The following PIGN variants were observed in gnomAD, a reference collection of about 807,000 sequenced individuals.
PIGN encodes the protein GPI ethanolamine phosphate transferase 1.
A neutral mutation model predicts 125.4 loss-of-function variants in PIGN; 117 were observed. The ratio of observed to expected loss-of-function variants is 0.93; its 90% confidence interval spans 0.80 to 1.09. PIGN has a LOEUF of 1.09. Among genes scored for constraint, PIGN ranks in the 50% least tolerant of loss-of-function variants. PIGN has a pLI of 0.00. For missense variants in PIGN, 1,075 were observed against 1,094.9 expected (o/e 0.98, Z 0.26); for synonymous variants, 392 against 377.8 (o/e 1.04, Z -0.44).
intron 28 of PIGN, among the ~76,000 whole-genome samples, chr18:62,076,684 T>C (rs887431537): frequency 1.3e-5 from 2 of 152,228 alleles, no homozygotes; most frequent in African/African-American, 4.8e-5. Context: ...TGTGACTTCT[T>C]TTTAATAAAT....
intron 14 of PIGN, among the ~76,000 whole-genome samples, chr18:62,128,896 G>T (rs2035630732): frequency 6.6e-6 from 1 of 151,992 alleles, no homozygotes; most frequent in South Asian, 2.1e-4. Context: ...TTCAAAATAA[G>T]AAGTCATCAT....
chr18:62,167,190 T>TCG (rs2037168792), intron 1 of PIGN, among the ~76,000 whole-genome samples: 1 of 73,102 alleles, frequency 1.4e-5, no homozygotes, highest in African/African-American at 5.1e-5. Context: ...GCAGGAGCGC[T>TCG]CTCTCTCTCT....
At chr18:62,132,080 CT>C (rs1388895205) in intron 14 of PIGN, among the ~76,000 whole-genome samples, 1 of 151,918 alleles carries the variant, frequency 6.6e-6, no homozygotes, top group East Asian at 1.9e-4. Flanking sequence ...CCTGGGTTAT[CT>C]TTTTTGCTAA....
chr18:62,051,184 C>T (rs374061403), intron 30 of PIGN, among the ~76,000 whole-genome samples: 3 of 151,240 alleles, frequency 2.0e-5, no homozygotes, highest in Non-Finnish European at 3.0e-5. Context: ...TGTCTCTGCC[C>T]GGCTTTGGTA....
At chr18:62,132,025 T>C (rs1194052017) in intron 14 of PIGN, among the ~76,000 whole-genome samples, 1 of 152,142 alleles carries the variant, frequency 6.6e-6, no homozygotes, top group East Asian at 1.9e-4. Context: ...AAATGATGCT[T>C]ATACAAAAGG....
intron 30 of PIGN, chr18:62,056,930 C>T (rs2031773548): frequency 6.6e-6 from 1 of 152,186 alleles, no homozygotes; most frequent in Non-Finnish European, 1.5e-5. Context: ...GGTTGTGCAC[C>T]CATTATGAAA....
At chr18:62,185,331 T>C (rs562685925) in intron 1 of PIGN, among the ~76,000 whole-genome samples, 6 of 152,222 alleles carry the variant, frequency 3.9e-5, no homozygotes, top group Non-Finnish European at 8.8e-5. Context: ...GTTTTACTTT[T>C]AATATATGGC....
intron 30 of PIGN, among the ~76,000 whole-genome samples, chr18:62,051,445 G>C (rs930278834): frequency 1.3e-5 from 2 of 151,990 alleles, no homozygotes; most frequent in African/African-American, 4.8e-5. Context: ...TGTATGTGTC[G>C]AGGAATTTAT....
chr18:62,148,051 G>C lies in PIGN; in HGVS notation c.674+163C>G, dbSNP rs7243994. Among the ~76,000 whole-genome samples the C allele has an allele frequency of 0.77, 117,097 of 151,916 alleles. 45,269 individuals carry two copies. The highest frequency in any genetic ancestry group is 0.91 in the East Asian group (4,709 of 5,184). ...TGGATACAGCACATATGATTTAAAC[G>C]ACTATATTGGAAATCTCATATAATT... On this transcript the variant is annotated intron_variant, in intron 8 of 30. Transcript: ENST00000640252.
In PIGN at chr18:62,077,249, A is replaced by C. The variant is rs1204457574; in HGVS notation, c.2577-2428T>G. Among the ~76,000 whole-genome samples, 3 of 152,054 alleles carry C rather than the reference A, an allele frequency of 2.0e-5. No individual in the cohort carries two copies. In the East Asian group the frequency reaches 5.8e-4, roughly 29 times the overall value. On this transcript the variant is annotated intron_variant, in intron 28 of 30. Coordinates refer to ENST00000640252, the MANE Select transcript of PIGN (RefSeq NM_176787.5). ...AAAAATTAGGCAGGTGTGGTGGCAC[A>C]TGCCTGTAAGCCCAGCTACTCGGGA...
rs562216102 is a variant in PIGN, at chr18:62,096,989, C to A, written c.2078-1039G>T. ...CTATTGTGAATAGTGCCGCAATAAA[C>A]ATACGTGTGCATGTGTCTTTATAGC... On this transcript the variant is annotated intron_variant, in intron 22 of 30. Coordinates refer to ENST00000640252, the MANE Select transcript of PIGN (RefSeq NM_176787.5). 5.3e-5 allele frequency among the ~76,000 whole-genome samples: 8 copies of A among 151,918 alleles called. No homozygotes were observed. In the South Asian group the frequency reaches 1.7e-3, roughly 32 times the overall value.
At chr18:62,103,216 T>C (rs2034513091) in intron 20 of PIGN, among the ~76,000 whole-genome samples, 1 of 152,182 alleles carries the variant, frequency 6.6e-6, no homozygotes, top group Admixed American at 6.5e-5. Context: ...TCAAATACTA[T>C]AATATTTAGC....
At chr18:62,171,151 T>C (rs2037333043) in intron 1 of PIGN, among the ~76,000 whole-genome samples, 1 of 152,228 alleles carries the variant, frequency 6.6e-6, no homozygotes, top group Admixed American at 6.5e-5. Context: ...TCCATTTATT[T>C]AGGTCTTCTT....
At chr18:62,066,070 CT>C (rs1568135353) in intron 30 of PIGN, among the ~76,000 whole-genome samples, 10 of 152,232 alleles carry the variant, frequency 6.6e-5, no homozygotes, top group Non-Finnish European at 1.5e-4. Context: ...CTCCCACAGG[CT>C]TTCTTTAACC....
At chr18:62,064,632 T>C (rs991711659) in intron 30 of PIGN, among the ~76,000 whole-genome samples, 4 of 152,252 alleles carry the variant, frequency 2.6e-5, no homozygotes, top group Non-Finnish European at 5.9e-5. Flanking sequence ...TCACATCATT[T>C]CATGAGACTC....
chr18:62,087,781 G>A lies in PIGN; in HGVS notation c.2370+975C>T, dbSNP rs368910426. Among the ~76,000 whole-genome samples, 6 of 152,100 alleles carry A rather than the reference G, an allele frequency of 3.9e-5. No homozygotes were observed. The South Asian group carries it at 6.2e-4, about 16-fold the overall frequency. ...ATAAGGGTTAATATCCAAAACATAC[G>A]AGGAACTCCTACAGCTAGCAAAAGT... On this transcript the variant is annotated intron_variant, in intron 25 of 30. Transcript: ENST00000640252.
intron 23 of PIGN, among the ~76,000 whole-genome samples, chr18:62,092,169 CAT>C (rs777188765): frequency 1.3e-5 from 2 of 152,096 alleles, no homozygotes; most frequent in Non-Finnish European, 2.9e-5. Context: ...TACCTACACA[CAT>C]GAGAAAATAT....
chr18:62,145,561 T>C lies in PIGN; in HGVS notation c.922+348A>G, dbSNP rs1212340287. On this transcript the variant is annotated intron_variant, in intron 10 of 30. Coordinates refer to ENST00000640252, the MANE Select transcript of PIGN (RefSeq NM_176787.5). The stretch of plus-strand genomic sequence containing the variant: ...TGGGTTGAAAAATCTCAAAAACTGA[T>C]TATTTACCTCTATGAAACCTTAAAT... 5.3e-5 allele frequency among the ~76,000 whole-genome samples: 8 copies of C among 152,324 alleles called. 1 individual carries two copies. The highest frequency in any genetic ancestry group is 4.6e-4 in the Admixed American group (7 of 15,296).
At chr18:62,060,856 T>C (rs570154002) in intron 30 of PIGN, among the ~76,000 whole-genome samples, 1 of 152,348 alleles carries the variant, frequency 6.6e-6, no homozygotes, top group Non-Finnish European at 1.5e-5. Context: ...GTTTTAAAAA[T>C]GTACTTTCAG....
Sources: gnomAD v4.1 joint callset for allele counts (sites outside exome capture counted in the v4.1 genomes callset) on GRCh38, gnomAD v4.1.1 for gene constraint, MANE v1.5 for transcripts, NCBI Gene and HGNC (gene_info 2026-07-23, HGNC 2026-07-21) for gene names.